RAVER2: variants seen among roughly 807,000 people sequenced by gnomAD.
RAVER2 encodes ribonucleoprotein PTB-binding 2.
In RAVER2, 46 loss-of-function variants were observed where a neutral mutation model predicts 78.1. The ratio of observed to expected loss-of-function variants is 0.59; its 90% confidence interval spans 0.46 to 0.75. The LOEUF is 0.75. Among genes scored for constraint, RAVER2 ranks in the 30% least tolerant of loss-of-function variants. RAVER2 has a pLI of 0.00. For missense variants in RAVER2, 793 were observed against 837.5 expected, an observed-to-expected ratio of 0.95 and a Z score of 0.66; for synonymous variants, 311 against 313.3, an observed-to-expected ratio of 0.99 and a Z score of 0.08.
chr1:64,777,130 T>A (rs529588951), intron 2 of RAVER2, among the ~76,000 whole-genome samples: 4 of 152,308 alleles, frequency 2.6e-5, no homozygotes, highest in Admixed American at 2.6e-4. Flanking sequence ...CATTTTGATG[T>A]TTTTGCTGTA....
chr1:64,746,818 T>C (rs2100795223), intron 1 of RAVER2, among the ~76,000 whole-genome samples: 1 of 152,148 alleles, frequency 6.6e-6, no homozygotes, highest in South Asian at 2.1e-4. Flanking sequence ...CCCATACAAA[T>C]AGAGGACTGT....
chr1:64,770,238 G>A (rs1652279118), intron 2 of RAVER2, among the ~76,000 whole-genome samples: 1 of 151,946 alleles, frequency 6.6e-6, no homozygotes, highest in African/African-American at 2.4e-5. Flanking sequence ...TTGACAACGG[G>A]ATTAGAGGTA....
intron 3 of RAVER2, among the ~76,000 whole-genome samples, chr1:64,778,932 A>G (rs1652548929): frequency 6.8e-6 from 1 of 147,818 alleles, no homozygotes; most frequent in African/African-American, 2.5e-5. Context: ...GAAATTTTGG[A>G]GTTGGAGTAC....
intron 1 of RAVER2, among the ~76,000 whole-genome samples, chr1:64,751,940 A>G (rs560221400): frequency 9.1e-4 from 139 of 152,350 alleles, no homozygotes; most frequent in African/African-American, 2.8e-3. Flanking sequence ...GCCTAATTAC[A>G]CAATTGCCTG....
chr1:64,789,494 G>A (rs553169300), exon 5 of RAVER2: 2 of 1,606,462 alleles, frequency 1.2e-6, no homozygotes, highest in South Asian at 2.2e-5. Context: ...CCCCAGTTAT[G>A]TGGACGAGCT....
At chr1:64,770,835 G>A (rs969832681) in intron 2 of RAVER2, among the ~76,000 whole-genome samples, 3 of 151,846 alleles carry the variant, frequency 2.0e-5, no homozygotes, top group African/African-American at 7.2e-5. Context: ...AATAGACACT[G>A]TGGAAGAAAA....
At chr1:64,824,806 T>C (rs1653968071) in intron 11 of RAVER2, among the ~76,000 whole-genome samples, 4 of 151,608 alleles carry the variant, frequency 2.6e-5, no homozygotes, top group Admixed American at 2.6e-4. Context: ...TGGTGCACGC[T>C]TGTAATCCCA....
intron 2 of RAVER2, among the ~76,000 whole-genome samples, chr1:64,777,203 G>C (rs1316730405): frequency 6.6e-6 from 1 of 152,096 alleles, no homozygotes; most frequent in Non-Finnish European, 1.5e-5. Context: ...TAGGAAGAAA[G>C]AAAGATTTTG....
At position 64,745,313 on chromosome 1, in the gene RAVER2, C is replaced by G. The variant is rs1472577119; in HGVS notation, c.141C>G (p.Ala47=). ...AGGGCGCCCCGGACCCGATGCCCGCCGCGCTGCACCCTGAGGAGGTCGCCG... is the reference window on the plus strand; with the variant it reads ...AGGGCGCCCCGGACCCGATGCCCGCGGCGCTGCACCCTGAGGAGGTCGCCG... Residue 47 remains alanine, a synonymous_variant, in exon 1 of 12, where the codon GCC becomes GCG. Transcript: ENST00000294428. The surrounding 1 kb of genome is among the most constrained non-coding windows in gnomAD (Gnocchi z 4.3). 6 of 1,514,758 alleles carry G rather than the reference C, an allele frequency of 4.0e-6. No homozygotes were observed. The highest frequency in any genetic ancestry group is 2.1e-5 in the Admixed American group (1 of 48,124). The allele number at this position is 1,514,758 out of a possible 1,614,324, so 93.8% of individuals were successfully genotyped here.
chr1:64,748,473 G>A (rs1651605144), intron 1 of RAVER2, among the ~76,000 whole-genome samples: 1 of 152,220 alleles, frequency 6.6e-6, no homozygotes, highest in Non-Finnish European at 1.5e-5. Context: ...TTGGCTGCAC[G>A]TCCTCTCAAA....
At chr1:64,767,602 G>C (rs1652208630) in intron 1 of RAVER2, among the ~76,000 whole-genome samples, 1 of 152,034 alleles carries the variant, frequency 6.6e-6, no homozygotes, top group African/African-American at 2.4e-5. Context: ...AGAACAGGTT[G>C]GCTGTAACTC....
At position 64,786,819 on chromosome 1, in the gene RAVER2, T is replaced by A. The variant is rs956573905; in HGVS notation, c.979-2569T>A. ...AGAAAAAAAAAAAATACTATTTTGT[T>A]TTTTAGTCACATATATTCTACTATT... On this transcript the variant is annotated intron_variant, in intron 4 of 11. Transcript: ENST00000294428. Among the ~76,000 whole-genome samples the A allele has an allele frequency of 2.0e-4, 31 of 152,170 alleles. 1 individual carries two copies. Among genetic ancestry groups the A allele is most frequent in the Non-Finnish European group, 3.8e-4 (26 of 68,026 alleles).
intron 11 of RAVER2, among the ~76,000 whole-genome samples, chr1:64,828,157 AC>A (rs200329508): frequency 4.1e-4 from 21 of 51,294 alleles, no homozygotes; most frequent in African/African-American, 8.2e-4. Context: ...TTTCAAACCC[AC>A]CCCCCCCACC....
intron 10 of RAVER2, among the ~76,000 whole-genome samples, chr1:64,813,207 C>G (rs927985958): frequency 1.3e-5 from 2 of 152,188 alleles, no homozygotes; most frequent in Non-Finnish European, 2.9e-5. Context: ...CCTTCAATTA[C>G]TATAAATCAA....
chr1:64,773,798 C>T (rs980061325), intron 2 of RAVER2, among the ~76,000 whole-genome samples: 3 of 152,250 alleles, frequency 2.0e-5, no homozygotes, highest in Admixed American at 6.5e-5. Context: ...CTCCCACCAA[C>T]AGTGTAAAAG....
intron 1 of RAVER2, among the ~76,000 whole-genome samples, chr1:64,756,341 A>G (rs1266003939): frequency 6.6e-6 from 1 of 152,116 alleles, no homozygotes; most frequent in Non-Finnish European, 1.5e-5. Flanking sequence ...CTGTTTAAAT[A>G]TCCTATTCCC....
chr1:64,757,533 A>G lies in RAVER2; in HGVS notation c.250-11123A>G, dbSNP rs1204638366. 2.0e-5 allele frequency among the ~76,000 whole-genome samples: 3 copies of G among 152,338 alleles called. No individual in the cohort carries two copies. In the East Asian group the frequency reaches 5.8e-4, roughly 29 times the overall value. Reference sequence around the variant, plus strand: ...CCAGCCAGAAATTGAATCAGCTGGAACCTTGACTTGGACTTCTGGCTTCCA... The same window carrying G: ...CCAGCCAGAAATTGAATCAGCTGGAGCCTTGACTTGGACTTCTGGCTTCCA... On this transcript the variant is annotated intron_variant, in intron 1 of 11. Transcript: ENST00000294428.
exon 12 of RAVER2, chr1:64,831,577 C>G (rs1654132061): frequency 6.6e-6 from 1 of 152,106 alleles, no homozygotes; most frequent in Admixed American, 6.6e-5. Context: ...TCCACTACTA[C>G]CGATGCTTTA....
intron 1 of RAVER2, among the ~76,000 whole-genome samples, chr1:64,753,011 A>G (rs1651741306): frequency 6.6e-6 from 1 of 152,192 alleles, no homozygotes; most frequent in African/African-American, 2.4e-5. Context: ...CTTCATATAT[A>G]TGCAAGCCAC....
Sources: allele counts gnomAD v4.1 joint callset (sites outside exome capture counted in the v4.1 genomes callset), GRCh38; gene constraint gnomAD v4.1.1; non-coding constraint Gnocchi (gnomAD v3.1); transcripts MANE v1.5; gene names NCBI Gene and HGNC (gene_info 2026-07-23, HGNC 2026-07-21).